PRDM1: variants seen among roughly 807,000 people sequenced by gnomAD.
PRDM1 encodes the protein PR/SET domain 1.
PRDM1 carries 13 observed loss-of-function variants against 62.8 expected under a neutral mutation model. The observed-to-expected ratio is 0.21, with a 90% CI of 0.13 to 0.33. The LOEUF (loss-of-function observed/expected upper bound fraction) is 0.33. Ranked by LOEUF, PRDM1 falls within the 10% of genes least tolerant of loss-of-function variation. The pLI is 1.00. For missense variants in PRDM1, 895 were observed against 1,058.8 expected (o/e 0.85, Z 2.15); for synonymous variants, 396 against 417.6 (o/e 0.95, Z 0.63).
chr6:106,022,978 G>A (rs1332865767), intron 1 of PRDM1, among the ~76,000 whole-genome samples: 6 of 152,208 alleles, frequency 3.9e-5, no homozygotes, highest in African/African-American at 1.4e-4. Context: ...AGGCTGCTGC[G>A]ATTCTTTTGT....
chr6:106,040,189 T>C (rs1232534585), intron 1 of PRDM1, among the ~76,000 whole-genome samples: 1 of 152,244 alleles, frequency 6.6e-6, no homozygotes, highest in Non-Finnish European at 1.5e-5. Context: ...AGGAGCTTAA[T>C]GGCTGGGACC....
rs1774198301 is a variant in PRDM1 at position 106,099,281 on chromosome 6, T to A, written c.412-19T>A. The A allele has an allele frequency of 6.2e-7, 1 of 1,613,128 alleles. No individual in the cohort carries two copies. Among genetic ancestry groups the A allele is most frequent in the African/African-American group, 1.3e-5 (1 of 74,870 alleles). On this transcript the variant is annotated intron_variant, in intron 3 of 6. Transcript: ENST00000369096. ...TGGGTCTGACTTCCTTTTACATGCC[T>A]GTCTTCTCTTTTGGACAGATCTATT...
Position 106,093,159 on chromosome 6 carries a change from AGC to A in PRDM1, c.292-2455_292-2454del, listed in dbSNP as rs1050164838. 2.2e-4 allele frequency among the ~76,000 whole-genome samples: 34 copies of A among 152,308 alleles called. 1 individual carries two copies. Among genetic ancestry groups the A allele is most frequent in the African/African-American group, 8.2e-4 (34 of 41,564 alleles). On this transcript the variant is annotated intron_variant, in intron 2 of 6. Transcript: ENST00000369096. ...AGAGCTACTTCCGGTGCTGCTTTAT[AGC>A]TTACTAGTGATGAGTCTATAGTTGT...
rs1773871746 is a variant in PRDM1, at chr6:106,088,432, G to A, written c.274G>A (p.Ala92Thr). The A allele has an allele frequency of 6.2e-7, 1 of 1,614,056 alleles. No individual in the cohort carries two copies. Among genetic ancestry groups the A allele is most frequent in the Admixed American group, 1.7e-5 (1 of 60,002 alleles). The change falls in exon 2 of 7, where the codon GCC becomes ACC. Residue 92 changes from alanine to threonine, a missense_variant. Coordinates refer to ENST00000369096, the MANE Select transcript of PRDM1 (RefSeq NM_001198.4). ...SLPRNLLFKY[A>T]TNSEEVIGVM... ...ACCAAGGAATCTGCTTTTCAAGTAT[G>A]CCACCAACAGTGAAGAGGTAAGCCT...
At chr6:106,081,985 G>C (rs1773702197), upstream of PRDM1, among the ~76,000 whole-genome samples, 1 of 151,986 alleles carries the variant, frequency 6.6e-6, no homozygotes, top group African/African-American at 2.4e-5. Context: ...TCCACCTTGA[G>C]TCCTCCCCTC....
chr6:106,046,792 G>A (rs1250148446), upstream of PRDM1: 4 of 152,328 alleles, frequency 2.6e-5, no homozygotes, highest in Non-Finnish European at 5.9e-5. Flanking sequence ...GAGTGGAAAA[G>A]TGAGTATTTC....
chr6:106,098,583 G>T, intron 3 of PRDM1: 1 of 1,307,568 alleles, frequency 7.6e-7, no homozygotes, highest in African/African-American at 1.5e-5. Context: ...TGAAAGGAAA[G>T]TGCAAGTCTG....
intron 1 of PRDM1, among the ~76,000 whole-genome samples, chr6:106,019,672 G>A (rs1178063062): frequency 1.0e-4 from 14 of 136,024 alleles, no homozygotes; most frequent in Non-Finnish European, 1.8e-4. Context: ...AGTCTTCCTC[G>A]ATCTGTCACC....
At chr6:106,036,083 A>C (rs1325881361) in intron 1 of PRDM1, among the ~76,000 whole-genome samples, 1 of 151,880 alleles carries the variant, frequency 6.6e-6, no homozygotes, top group African/African-American at 2.4e-5. Context: ...TTTGTTTTCT[A>C]TATTCCTTAT....
In PRDM1 at chr6:106,107,880, C is replaced by T. The variant is rs1443846059; in HGVS notation, c.*394C>T. 4.3e-6 allele frequency: 1 copy of T among 231,648 alleles called. No individual in the cohort carries two copies. Among genetic ancestry groups the T allele is most frequent in the Non-Finnish European group, 8.5e-6 (1 of 117,122 alleles). 14.3% of individuals were successfully genotyped at this position (231,648 alleles called of 1,614,324 possible). On this transcript the variant is annotated 3_prime_UTR_variant, in exon 7 of 7. Coordinates refer to ENST00000369096, the MANE Select transcript of PRDM1 (RefSeq NM_001198.4). ...ATTATACAATTTATCATTCAGAAAG[C>T]AATAATTAAAAAAGTTTACAATGAC...
At chr6:106,008,914 C>T (rs1289650938) in intron 1 of PRDM1, among the ~76,000 whole-genome samples, 2 of 152,182 alleles carry the variant, frequency 1.3e-5, no homozygotes, top group African/African-American at 4.8e-5. Context: ...TCTAGGAATA[C>T]TCCCCTTTCC....
chr6:106,076,101 G>A (rs1056611121), intron 1 of PRDM1, among the ~76,000 whole-genome samples: 4 of 151,928 alleles, frequency 2.6e-5, no homozygotes, highest in Admixed American at 6.6e-5. Context: ...ACAGGTATGC[G>A]CCACTACACT....
At chr6:106,090,381 C>G (rs561526713) in intron 2 of PRDM1, among the ~76,000 whole-genome samples, 2 of 152,294 alleles carry the variant, frequency 1.3e-5, no homozygotes, top group South Asian at 4.1e-4. Flanking sequence ...TATCCTATTT[C>G]CCTATCTTGC....
At chr6:105,998,946 T>C (rs1371626746) in intron 1 of PRDM1, among the ~76,000 whole-genome samples, 1 of 133,880 alleles carries the variant, frequency 7.5e-6, no homozygotes, top group Non-Finnish European at 1.6e-5. Context: ...TTTTTTTTTT[T>C]TTTTCTTTTG....
At chr6:106,047,789 T>C (rs1773105435), upstream of PRDM1, among the ~76,000 whole-genome samples, 1 of 152,222 alleles carries the variant, frequency 6.6e-6, no homozygotes, top group Non-Finnish European at 1.5e-5. Context: ...CAGTTTTTAC[T>C]ATGGTTAGCC....
At chr6:106,021,817 T>C (rs1285672668) in intron 1 of PRDM1, among the ~76,000 whole-genome samples, 1 of 152,052 alleles carries the variant, frequency 6.6e-6, no homozygotes, top group Non-Finnish European at 1.5e-5. Flanking sequence ...ACAGGGTTTC[T>C]CCATGTTGGT....
chr6:106,104,719 T>C, intron 4 of PRDM1, 106 bp from the exon 5 acceptor site: 2 of 1,367,306 alleles, frequency 1.5e-6, no homozygotes, highest in Non-Finnish European at 2.0e-6. Flanking sequence ...GGCGATTGTG[T>C]CGCCAGCTGT....
chr6:106,039,841 G>C lies in PRDM1; in HGVS notation c.-67+46202G>C, dbSNP rs533831810. 2.0e-5 allele frequency among the ~76,000 whole-genome samples: 3 copies of C among 152,278 alleles called. No individual in the cohort carries two copies. The South Asian group carries it at 6.2e-4, about 32-fold the overall frequency. ...CTTGCTGACATCCCTGCCTTAATCA[G>C]TTAGCTAGTCCATAGCGGCTTAGCG... On this transcript the variant is annotated intron_variant, in intron 1 of 6. Transcript: ENST00000652320.
At chr6:106,067,475 A>T (rs1472317113) in intron 1 of PRDM1, among the ~76,000 whole-genome samples, 1 of 152,204 alleles carries the variant, frequency 6.6e-6, no homozygotes, top group Non-Finnish European at 1.5e-5. Context: ...CATTATTCAC[A>T]ATAGTGGAAG....
Sources: gnomAD v4.1 joint callset for allele counts (sites outside exome capture counted in the v4.1 genomes callset) on GRCh38, gnomAD v4.1.1 for gene constraint, MANE v1.5 for transcripts, NCBI Gene and HGNC (gene_info 2026-07-23, HGNC 2026-07-21) for gene names.